Variants in PCDHA5 observed in about 807,000 individuals in gnomAD.
The protein encoded by PCDHA5 is protocadherin alpha 5, also known as protocadherin alpha-5.
A neutral mutation model predicts 61.6 loss-of-function variants in PCDHA5; 43 were observed. That is an observed-to-expected ratio of 0.70 (90% CI 0.55 to 0.90). The LOEUF (loss-of-function observed/expected upper bound fraction) is 0.90, where lower values mean the gene tolerates loss of function less well. Ranked by LOEUF, PCDHA5 falls within the 40% of genes least tolerant of loss-of-function variation. The pLI, the probability that PCDHA5 is intolerant of heterozygous loss-of-function variation, is 0.00. For missense variants in PCDHA5, 1,298 were observed against 1,222.7 expected (o/e 1.06, Z -0.92); for synonymous variants, 627 against 543.9 (o/e 1.15, Z -2.13).
In PCDHA5 at chr5:140,882,044, C is replaced by T. The variant is rs539916085; in HGVS notation, c.2352+57917C>T. The T allele has an allele frequency of 5.7e-6, 4 of 702,876 alleles. No individual in the cohort carries two copies. In the East Asian group the frequency reaches 1.1e-4, roughly 20 times the overall value. The allele number at this position is 702,876 out of a possible 1,614,324, so 43.5% of individuals were successfully genotyped here. Reference sequence around the variant, plus strand: ...TCAATGGAAAATATGAAGACTGAGTCATACTTACACTTACACGTTCATGCG... The same window carrying T: ...TCAATGGAAAATATGAAGACTGAGTTATACTTACACTTACACGTTCATGCG... On this transcript the variant is annotated intron_variant, in intron 1 of 3. Transcript: ENST00000529859.
intron 1 of PCDHA5, chr5:140,882,788 C>G: frequency 6.2e-7 from 1 of 1,614,216 alleles, no homozygotes; most frequent in Non-Finnish European, 8.5e-7. Flanking sequence ...CCGACTGGAT[C>G]CCAACGATTA....
At chr5:140,833,750 A>AC (rs1554133942) in intron 1 of PCDHA5, among the ~76,000 whole-genome samples, 2 of 108,038 alleles carry the variant, frequency 1.9e-5, no homozygotes, top group African/African-American at 3.5e-5. Flanking sequence ...CCTAAAAAGA[A>AC]AACACACACA....
At chr5:140,960,380 A>G (rs2095544105) in intron 1 of PCDHA5, among the ~76,000 whole-genome samples, 2 of 152,200 alleles carry the variant, frequency 1.3e-5, no homozygotes, top group African/African-American at 4.8e-5. Flanking sequence ...TTAAGTGCCA[A>G]GACATTAGGA....
chr5:140,883,835 T>C (rs782244088), intron 1 of PCDHA5: 10 of 1,612,448 alleles, frequency 6.2e-6, no homozygotes, highest in East Asian at 4.5e-5. Flanking sequence ...GCTGCAGCCG[T>C]TGGACCACGA....
Position 140,979,012 on chromosome 5 carries a change from G to A in PCDHA5, c.2411+5G>A, listed in dbSNP as rs2096831231. The A allele has an allele frequency of 1.9e-6, 3 of 1,613,794 alleles. No individual in the cohort carries two copies. Among genetic ancestry groups the A allele is most frequent in the African/African-American group, 2.7e-5 (2 of 74,926 alleles). ...CCTGAGAGCAGGCATGCACAGGTAT[G>A]TATTTCCCTCCTCATTCACTCAGAA... On this transcript the variant is annotated splice_donor_5th_base_variant and intron_variant, in intron 2 of 3. Coordinates refer to ENST00000529859, the MANE Select transcript of PCDHA5 (RefSeq NM_018908.3).
At position 140,939,517 on chromosome 5, in the gene PCDHA5, G is replaced by GACATTGTAGAATTATAGAATTCTACATAA. The variant is rs559604027; in HGVS notation, c.2353-39432_2353-39431insACATTGTAGAATTATAGAATTCTACATAA. 5.4e-3 allele frequency among the ~76,000 whole-genome samples: 825 copies of GACATTGTAGAATTATAGAATTCTACATAA among 152,166 alleles called. 3 individuals carry two copies. Among genetic ancestry groups the GACATTGTAGAATTATAGAATTCTACATAA allele is most frequent in the African/African-American group, 0.019 (794 of 41,518 alleles). On this transcript the variant is annotated intron_variant, in intron 1 of 3. Coordinates refer to ENST00000529859, the MANE Select transcript of PCDHA5 (RefSeq NM_018908.3). Reference sequence around the variant, plus strand: ...AAATTCAATGTCTATAACATTAATAGTTATAGAATTATACAGAGCCTCTAT... The same window carrying GACATTGTAGAATTATAGAATTCTACATAA: ...AAATTCAATGTCTATAACATTAATAGACATTGTAGAATTATAGAATTCTACATAATTATAGAATTATACAGAGCCTCTAT...
In PCDHA5 at chr5:140,823,491, C is replaced by A. The variant is rs2150126356; in HGVS notation, c.1716C>A (p.Thr572=). ...PALLVPRVGG[T]GGAVSELVPR... ...TGCTGGTGCCTCGAGTGGGTGGCAC[C>A]GGCGGCGCAGTGAGCGAGCTGGTGC... The change falls in exon 1 of 4, where the codon ACC becomes ACA. Residue 572 remains threonine (T), a synonymous_variant. Coordinates refer to ENST00000529859, the MANE Select transcript of PCDHA5 (RefSeq NM_018908.3). 1 of 1,613,202 alleles carries A rather than the reference C, an allele frequency of 6.2e-7. No individual in the cohort carries two copies. Among genetic ancestry groups the A allele is most frequent in the South Asian group, 1.1e-5 (1 of 91,010 alleles).
intron 1 of PCDHA5, chr5:140,859,639 T>G (rs1419564799): frequency 6.3e-6 from 1 of 159,542 alleles, no homozygotes; most frequent in Non-Finnish European, 1.4e-5. Flanking sequence ...GAGATTGAAT[T>G]TGTTACTCAG....
intron 1 of PCDHA5, chr5:140,966,634 G>A: frequency 9.8e-7 from 1 of 1,022,982 alleles, no homozygotes; most frequent in Non-Finnish European, 1.3e-6. Flanking sequence ...GGCCCCAGGC[G>A]CTTTCTAGAG....
chr5:140,894,197 A>C (rs1378272032), intron 1 of PCDHA5, among the ~76,000 whole-genome samples: 1 of 152,008 alleles, frequency 6.6e-6, no homozygotes, highest in Non-Finnish European at 1.5e-5. Context: ...TATTTTTTCT[A>C]TGCTATTATA....
chr5:140,898,161 T>G (rs1208656854), intron 1 of PCDHA5, among the ~76,000 whole-genome samples: 1 of 152,216 alleles, frequency 6.6e-6, no homozygotes, highest in Non-Finnish European at 1.5e-5. Context: ...CTGATGGTGG[T>G]TTCTTTTGCT....
intron 1 of PCDHA5, among the ~76,000 whole-genome samples, chr5:140,945,549 G>A (rs246058): frequency 0.56 from 85,718 of 151,780 alleles, 24,784 homozygotes; most frequent in African/African-American, 0.69. Context: ...ACAAAAAAAT[G>A]AAGCTGAAGA....
In PCDHA5 at chr5:140,841,532, C is replaced by A. The variant is rs2150317529; in HGVS notation, c.2352+17405C>A. 22 of 1,613,576 alleles carry A rather than the reference C, an allele frequency of 1.4e-5. No individual in the cohort carries two copies. In the South Asian group the frequency reaches 2.3e-4, roughly 17 times the overall value. ...CCTGTTCCGGGTGGCGTCCAAAAGA[C>A]ACCGGGACCTTCTGGAGGTAAGTCT... On this transcript the variant is annotated intron_variant, in intron 1 of 3. Coordinates refer to ENST00000529859, the MANE Select transcript of PCDHA5 (RefSeq NM_018908.3).
Position 140,885,836 on chromosome 5 carries a change from C to T in PCDHA5, c.2352+61709C>T, listed in dbSNP as rs186775413. On this transcript the variant is annotated intron_variant, in intron 1 of 3. Transcript: ENST00000529859. ...TGTATTTGATCTTCTTTGATTTATC[C>T]ATTAAGTTATTTGCCTACTTTTCTA... Among the ~76,000 whole-genome samples the T allele has an allele frequency of 3.1e-3, 470 of 152,032 alleles. 3 individuals are homozygous for T. Among genetic ancestry groups the T allele is most frequent in the Middle Eastern group, 0.014 (4 of 294 alleles).
chr5:140,875,318 C>G, intron 1 of PCDHA5: 1 of 1,427,508 alleles, frequency 7.0e-7, no homozygotes, highest in South Asian at 1.6e-5. Flanking sequence ...ACATTCCAAT[C>G]ATTCACGGAA....
intron 1 of PCDHA5, among the ~76,000 whole-genome samples, chr5:140,913,040 G>T (rs1554195697): frequency 1.3e-5 from 2 of 152,022 alleles, no homozygotes; most frequent in African/African-American, 4.8e-5. Flanking sequence ...AGATATATTG[G>T]CCTGGAGTTT....
At chr5:140,838,208 G>A (rs1272239930) in intron 1 of PCDHA5, among the ~76,000 whole-genome samples, 1 of 150,064 alleles carries the variant, frequency 6.7e-6, no homozygotes, top group Non-Finnish European at 1.5e-5. Flanking sequence ...CCGCCTCTCT[G>A]GTACAAGCAG....
chr5:140,849,596 A>G, intron 1 of PCDHA5: 1 of 1,598,768 alleles, frequency 6.3e-7, no homozygotes, highest in Non-Finnish European at 8.6e-7. Flanking sequence ...AACTGGGGAC[A>G]GTTATTGCCC....
At chr5:140,883,890 G>T (rs2153398485) in intron 1 of PCDHA5, 1 of 1,613,462 alleles carries the variant, frequency 6.2e-7, no homozygotes, top group Non-Finnish European at 8.5e-7. Context: ...CGCGACTCTG[G>T]CGTGCCGCCT....
Sources: gnomAD v4.1 joint callset for allele counts (sites outside exome capture counted in the v4.1 genomes callset) on GRCh38, gnomAD v4.1.1 for gene constraint, MANE v1.5 for transcripts, NCBI Gene and HGNC (gene_info 2026-07-23, HGNC 2026-07-21) for gene names.